ELAVL2: variants seen among roughly 807,000 people sequenced by gnomAD.
The protein encoded by ELAVL2 is ELAV-like protein 2.
In ELAVL2, 4 loss-of-function variants were observed where a neutral mutation model predicts 34.6. That is an observed-to-expected ratio of 0.12 (90% confidence interval 0.06 to 0.26). The LOEUF is 0.26. Among genes scored for constraint, ELAVL2 ranks in the 10% least tolerant of loss-of-function variants. ELAVL2 has a pLI of 1.00. For missense variants in ELAVL2, 432 were observed against 442.8 expected (o/e 0.98, Z 0.22); for synonymous variants, 193 against 154.8 (o/e 1.25, Z -1.83).
At chr9:23,843,277 C>T in the ELAVL2 span, among the ~76,000 whole-genome samples, 1 of 152,040 alleles carries the variant, frequency 6.6e-6, no homozygotes, top group South Asian at 2.1e-4. Context: ...AGAGGATTTT[C>T]CTAAAAATGA....
At chr9:23,785,222 C>T (rs1365387262) in intron 1 of ELAVL2, among the ~76,000 whole-genome samples, 3 of 152,096 alleles carry the variant, frequency 2.0e-5, no homozygotes. Context: ...GGAGCCACTC[C>T]CAGAGTTCAC....
chr9:23,764,151 C>T (rs1045912745), intron 1 of ELAVL2, among the ~76,000 whole-genome samples: 1 of 152,012 alleles, frequency 6.6e-6, no homozygotes, highest in Non-Finnish European at 1.5e-5. Context: ...GTTATGGAAA[C>T]AATGAGCTAC....
At chr9:23,749,465 T>C (rs1208392915) in intron 2 of ELAVL2, among the ~76,000 whole-genome samples, 1 of 152,082 alleles carries the variant, frequency 6.6e-6, no homozygotes, top group Non-Finnish European at 1.5e-5. Context: ...CCGGTAAAAT[T>C]AAAGGAGTTC....
At chr9:23,780,799 TA>T (rs1033614391) in intron 1 of ELAVL2, among the ~76,000 whole-genome samples, 1 of 152,058 alleles carries the variant, frequency 6.6e-6, no homozygotes, top group African/African-American at 2.4e-5. Flanking sequence ...CATGGCCAGG[TA>T]AATTAAGGCC....
chr9:23,805,814 T>C (rs1390185174), intron 1 of ELAVL2, among the ~76,000 whole-genome samples: 1 of 152,200 alleles, frequency 6.6e-6, no homozygotes, highest in Non-Finnish European at 1.5e-5. Flanking sequence ...TCCTTATTCC[T>C]GGCAAACACA....
chr9:23,757,863 T>C (rs1036870207), intron 2 of ELAVL2, among the ~76,000 whole-genome samples: 4 of 152,118 alleles, frequency 2.6e-5, no homozygotes, highest in African/African-American at 9.7e-5. Context: ...TGACATTAAT[T>C]TGCTAACACT....
chr9:23,768,357 T>C (rs1477187600), intron 1 of ELAVL2, among the ~76,000 whole-genome samples: 6 of 152,012 alleles, frequency 3.9e-5, no homozygotes, highest in African/African-American at 1.4e-4. Context: ...AAACTAAGCA[T>C]TGAAAAAGCA....
chr9:23,703,328 T>C (rs536237436), intron 4 of ELAVL2, among the ~76,000 whole-genome samples: 50 of 152,326 alleles, frequency 3.3e-4, no homozygotes, highest in African/African-American at 1.2e-3. Context: ...TTTGAACAAA[T>C]TCATCTTTAT....
At chr9:23,693,942 C>T (rs1416527526) in intron 5 of ELAVL2, among the ~76,000 whole-genome samples, 1 of 152,162 alleles carries the variant, frequency 6.6e-6, no homozygotes, top group African/African-American at 2.4e-5. Context: ...CATTGATACT[C>T]AAACTCTGCA....
chr9:23,842,707 C>T, the ELAVL2 span, among the ~76,000 whole-genome samples: 2 of 152,046 alleles, frequency 1.3e-5, no homozygotes, highest in African/African-American at 4.8e-5. Flanking sequence ...GCTGTCACTG[C>T]AGCACTATTT....
intron 2 of ELAVL2, among the ~76,000 whole-genome samples, chr9:23,753,753 G>C (rs921949367): frequency 6.6e-6 from 1 of 152,030 alleles, no homozygotes; most frequent in Admixed American, 6.6e-5. Context: ...CCAATCTCCT[G>C]ATGCAAAGTA....
chr9:23,779,623 T>G (rs189564900), intron 1 of ELAVL2, among the ~76,000 whole-genome samples: 258 of 152,146 alleles, frequency 1.7e-3, no homozygotes, highest in East Asian at 1.4e-3. Flanking sequence ...GGTTAAAATC[T>G]GAAGGTAATC....
intron 1 of ELAVL2, among the ~76,000 whole-genome samples, chr9:23,771,456 C>A (rs1269033382): frequency 2.6e-5 from 4 of 151,498 alleles, no homozygotes; most frequent in African/African-American, 9.7e-5. Flanking sequence ...TATAGGAAAC[C>A]CAACATACAA....
At chr9:23,747,822 C>T (rs1480287099) in intron 2 of ELAVL2, among the ~76,000 whole-genome samples, 1 of 152,134 alleles carries the variant, frequency 6.6e-6, no homozygotes, top group Non-Finnish European at 1.5e-5. Flanking sequence ...AAAATAAATC[C>T]AGTCACTAAG....
intron 2 of ELAVL2, among the ~76,000 whole-genome samples, chr9:23,739,092 C>G (rs959043782): frequency 6.6e-6 from 1 of 151,460 alleles, no homozygotes; most frequent in Non-Finnish European, 1.5e-5. Context: ...AGTATTACAC[C>G]GGGTACACAA....
At chr9:23,834,410 C>G in the ELAVL2 span, among the ~76,000 whole-genome samples, 3 of 151,794 alleles carry the variant, frequency 2.0e-5, no homozygotes, top group Non-Finnish European at 4.4e-5. Flanking sequence ...TTTCACGGGT[C>G]CTTGGACAAG....
chr9:23,711,668 C>G (rs1250905805), intron 3 of ELAVL2, among the ~76,000 whole-genome samples: 1 of 152,148 alleles, frequency 6.6e-6, no homozygotes, highest in African/African-American at 2.4e-5. Context: ...AGTTGGGTGC[C>G]TCTTACCTGC....
chr9:23,792,714 G>C (rs552336066), intron 1 of ELAVL2, among the ~76,000 whole-genome samples: 1 of 152,044 alleles, frequency 6.6e-6, no homozygotes. Flanking sequence ...AGGTCAAAAT[G>C]ACCCATAACC....
intron 3 of ELAVL2, among the ~76,000 whole-genome samples, chr9:23,709,916 A>T (rs2040478878): frequency 6.6e-6 from 1 of 152,200 alleles, no homozygotes; most frequent in Admixed American, 6.5e-5. Context: ...CAAAGATAGC[A>T]ATTTAAAACT....
Sources: gnomAD v4.1 joint callset for allele counts (sites outside exome capture counted in the v4.1 genomes callset) on GRCh38, gnomAD v4.1.1 for gene constraint, MANE v1.5 for transcripts, NCBI Gene and HGNC (gene_info 2026-07-23, HGNC 2026-07-21) for gene names.